Variants in BICC1 observed in about 807,000 individuals in gnomAD.
The protein encoded by BICC1 is protein bicaudal C homolog 1.
A neutral mutation model predicts 111.0 loss-of-function variants in BICC1; 43 were observed. That is an observed-to-expected ratio of 0.39 (90% CI 0.30 to 0.50). The LOEUF is 0.50. Among genes scored for constraint, BICC1 ranks in the 20% least tolerant of loss-of-function variants. The probability of loss-of-function intolerance (pLI) is 0.88; values close to 1 mark genes in which losing one functional copy is unlikely to be tolerated. For synonymous variants in BICC1, 467 were observed against 434.4 expected, an observed-to-expected ratio of 1.07 and a Z score of -0.93; for missense variants, 1,091 against 1,203.2, an observed-to-expected ratio of 0.91 and a Z score of 1.38.
chr10:58,661,333 T>C (rs1272950641), intron 2 of BICC1, among the ~76,000 whole-genome samples: 2 of 151,866 alleles, frequency 1.3e-5, no homozygotes, highest in South Asian at 2.1e-4. Context: ...AGTTTAGAAA[T>C]GGCATTTTAA....
At chr10:58,700,162 A>C (rs1840187880) in intron 2 of BICC1, among the ~76,000 whole-genome samples, 2 of 152,148 alleles carry the variant, frequency 1.3e-5, no homozygotes. Context: ...ACTTGCAATA[A>C]GGGTTAGGAG....
At chr10:58,576,501 G>T (rs376140644) in intron 1 of BICC1, among the ~76,000 whole-genome samples, 32 of 152,158 alleles carry the variant, frequency 2.1e-4, no homozygotes, top group East Asian at 1.3e-3. Context: ...ACTTTGAATA[G>T]CACTGATGCC....
intron 3 of BICC1, among the ~76,000 whole-genome samples, chr10:58,748,825 A>T (rs1841908195): frequency 6.6e-6 from 1 of 152,110 alleles, no homozygotes; most frequent in African/African-American, 2.4e-5. Flanking sequence ...ATTTCCAGTG[A>T]GTTCCCAGGT....
At chr10:58,527,425 A>G (rs908958636) in intron 1 of BICC1, among the ~76,000 whole-genome samples, 2 of 152,112 alleles carry the variant, frequency 1.3e-5, no homozygotes, top group Non-Finnish European at 2.9e-5. Flanking sequence ...CTTTAGTTTA[A>G]TTAGATCCCA....
chr10:58,793,265 A>G (rs567136407), intron 8 of BICC1, among the ~76,000 whole-genome samples: 2 of 152,330 alleles, frequency 1.3e-5, no homozygotes, highest in East Asian at 3.9e-4. Flanking sequence ...ACAGAAACTT[A>G]AGACATATAA....
intron 20 of BICC1, among the ~76,000 whole-genome samples, chr10:58,821,640 C>T (rs16912636): frequency 0.011 from 1,706 of 152,152 alleles, 39 homozygotes; most frequent in African/African-American, 0.039. Context: ...CATCAGTTTT[C>T]CCAGAACTTC....
chr10:58,519,846 G>GT (rs202085193), intron 1 of BICC1, among the ~76,000 whole-genome samples: 2,018 of 151,046 alleles, frequency 0.013, 26 homozygotes, highest in Middle Eastern at 0.045. Context: ...CATGTCAAAT[G>GT]TTTTTTTTTC....
intron 1 of BICC1, among the ~76,000 whole-genome samples, chr10:58,618,137 C>T (rs936485044): frequency 6.6e-6 from 1 of 151,986 alleles, no homozygotes; most frequent in South Asian, 2.1e-4. Context: ...GGTCTTGTGT[C>T]GGACCTGTGT....
chr10:58,750,736 T>A (rs1370478327), intron 3 of BICC1, among the ~76,000 whole-genome samples: 1 of 152,182 alleles, frequency 6.6e-6, no homozygotes, highest in Non-Finnish European at 1.5e-5. Context: ...CCCATCTAGG[T>A]CATAATTACC....
chr10:58,530,648 G>A (rs974175277), intron 1 of BICC1, among the ~76,000 whole-genome samples: 7 of 143,300 alleles, frequency 4.9e-5, no homozygotes, highest in African/African-American at 1.5e-4. Flanking sequence ...ATATAAGATT[G>A]TGTGTCCAGT....
intron 3 of BICC1, among the ~76,000 whole-genome samples, chr10:58,781,271 T>C (rs907611074): frequency 6.6e-6 from 1 of 152,200 alleles, no homozygotes; most frequent in African/African-American, 2.4e-5. Flanking sequence ...ACCTAGGATA[T>C]GAGCTTTAGA....
intron 2 of BICC1, among the ~76,000 whole-genome samples, chr10:58,666,685 T>G (rs1839022682): frequency 6.6e-6 from 1 of 152,136 alleles, no homozygotes; most frequent in Non-Finnish European, 1.5e-5. Context: ...TGTTTGAATC[T>G]CTTTCTTCAC....
chr10:58,782,924 G>A (rs960392747), intron 3 of BICC1, among the ~76,000 whole-genome samples: 20 of 152,166 alleles, frequency 1.3e-4, no homozygotes, highest in African/African-American at 4.1e-4. Context: ...AACAGAGAAA[G>A]GGCAGTCCTG....
At chr10:58,748,378 A>G (rs914138677) in intron 3 of BICC1, among the ~76,000 whole-genome samples, 4 of 151,884 alleles carry the variant, frequency 2.6e-5, no homozygotes, top group African/African-American at 9.7e-5. Flanking sequence ...CCCAGGTCAC[A>G]TTAATAGTCT....
chr10:58,754,299 G>A (rs1176996104), intron 3 of BICC1, among the ~76,000 whole-genome samples: 2 of 152,150 alleles, frequency 1.3e-5, no homozygotes, highest in African/African-American at 4.8e-5. Flanking sequence ...ACTTTGAGAG[G>A]AAGCACTTAT....
At chr10:58,784,140 T>G (rs1447552305) in intron 3 of BICC1, among the ~76,000 whole-genome samples, 1 of 152,146 alleles carries the variant, frequency 6.6e-6, no homozygotes, top group Non-Finnish European at 1.5e-5. Flanking sequence ...TCATAACATG[T>G]ATGTTCTGAT....
intron 3 of BICC1, among the ~76,000 whole-genome samples, chr10:58,768,810 A>T (rs1269097499): frequency 7.2e-5 from 11 of 152,094 alleles, no homozygotes; most frequent in Non-Finnish European, 1.6e-4. Flanking sequence ...GATACACAAA[A>T]GATAAAGAAT....
intron 2 of BICC1, among the ~76,000 whole-genome samples, chr10:58,661,670 C>T (rs1838849288): frequency 6.6e-6 from 1 of 152,150 alleles, no homozygotes; most frequent in South Asian, 2.1e-4. Flanking sequence ...CAAGTTGATT[C>T]TGCAAAGGTT....
intron 3 of BICC1, among the ~76,000 whole-genome samples, chr10:58,721,414 A>G (rs1208971234): frequency 6.6e-6 from 1 of 152,218 alleles, no homozygotes; most frequent in African/African-American, 2.4e-5. Flanking sequence ...TATGCCATGG[A>G]AAAATGGAAT....
Sources: allele counts gnomAD v4.1 joint callset (sites outside exome capture counted in the v4.1 genomes callset), GRCh38; gene constraint gnomAD v4.1.1; transcripts MANE v1.5; gene names NCBI Gene and HGNC (gene_info 2026-07-23, HGNC 2026-07-21).